MKLN1: variants seen among roughly 807,000 people sequenced by gnomAD.
The protein encoded by MKLN1 is muskelin 1.
A neutral mutation model predicts 99.0 loss-of-function variants in MKLN1; 18 were observed. The observed-to-expected ratio is 0.18, with a 90% CI of 0.13 to 0.27. MKLN1 has a LOEUF of 0.27. MKLN1 is among the 10% of genes least tolerant of loss of function. The probability of loss-of-function intolerance (pLI) is 1.00; values close to 1 mark genes in which losing one functional copy is unlikely to be tolerated. For synonymous variants in MKLN1, 288 were observed against 293.2 expected, an observed-to-expected ratio of 0.98 and a Z score of 0.18; for missense variants, 621 against 875.9, an observed-to-expected ratio of 0.71 and a Z score of 3.67.
chr7:131,305,265 TC>T (rs1798437386), intron 3 of MKLN1, among the ~76,000 whole-genome samples: 1 of 152,240 alleles, frequency 6.6e-6, no homozygotes, highest in Non-Finnish European at 1.5e-5. Flanking sequence ...CTTTTTGCCC[TC>T]AGCCAACTGG....
chr7:131,375,535 A>G, intron 2 of MKLN1, 42 bp downstream of exon 2: 2 of 1,210,602 alleles, frequency 1.7e-6, no homozygotes, highest in Non-Finnish European at 2.4e-6. Context: ...AGAAGTCACC[A>G]TTTAAATAAA....
At chr7:131,188,839 G>T (rs1304080794) in intron 2 of MKLN1, among the ~76,000 whole-genome samples, 2 of 152,158 alleles carry the variant, frequency 1.3e-5, no homozygotes, top group Admixed American at 6.5e-5. Context: ...CATCTCTGTG[G>T]TCTAAAGCGG....
chr7:131,148,448 G>GCTTTCTC (rs1267256956), intron 2 of MKLN1, among the ~76,000 whole-genome samples: 1 of 152,140 alleles, frequency 6.6e-6, no homozygotes, highest in African/African-American at 2.4e-5. Context: ...AAATTGCCCA[G>GCTTTCTC]CTTTCTCTCC....
intron 2 of MKLN1, among the ~76,000 whole-genome samples, chr7:131,173,533 A>G (rs1375034074): frequency 6.6e-6 from 1 of 152,240 alleles, no homozygotes; most frequent in East Asian, 1.9e-4. Flanking sequence ...AGCTTGGCCA[A>G]CTTAGTGAAA....
chr7:131,471,877 T>C (rs1796829504), intron 16 of MKLN1: 1 of 152,238 alleles, frequency 6.6e-6, no homozygotes, highest in African/African-American at 2.4e-5. Context: ...TTTCAAGCAA[T>C]AGAGGCTGCA....
chr7:131,412,460 A>G (rs1167160080), intron 7 of MKLN1, among the ~76,000 whole-genome samples: 1 of 152,248 alleles, frequency 6.6e-6, no homozygotes, highest in Non-Finnish European at 1.5e-5. Context: ...TAATAATTGT[A>G]ATAAAAATAA....
chr7:131,296,534 C>G (rs1284293127), intron 3 of MKLN1, among the ~76,000 whole-genome samples: 1 of 152,034 alleles, frequency 6.6e-6, no homozygotes. Flanking sequence ...TACAGTTGCC[C>G]CTTGAAGAAC....
chr7:131,412,029 G>A (rs1794897095), intron 7 of MKLN1, among the ~76,000 whole-genome samples: 1 of 151,424 alleles, frequency 6.6e-6, no homozygotes, highest in Non-Finnish European at 1.5e-5. Context: ...CAAGGCTGCA[G>A]TCAGCCGTGT....
chr7:131,229,228 A>C (rs540628965), intron 3 of MKLN1, among the ~76,000 whole-genome samples: 1 of 151,776 alleles, frequency 6.6e-6, no homozygotes, highest in Non-Finnish European at 1.5e-5. Context: ...TTTGTTACAT[A>C]GGTATACACG....
chr7:131,186,192 A>AAAAC (rs59214771), intron 2 of MKLN1, among the ~76,000 whole-genome samples: 22,720 of 151,566 alleles, frequency 0.15, 2,140 homozygotes, highest in African/African-American at 0.27. Flanking sequence ...CTCCGTCTCA[A>AAAAC]AAACAAACAA....
chr7:131,387,946 A>G (rs1028388545), intron 3 of MKLN1, among the ~76,000 whole-genome samples: 1 of 152,186 alleles, frequency 6.6e-6, no homozygotes, highest in African/African-American at 2.4e-5. Context: ...AGGCAGGTGG[A>G]TCACGAGGTC....
At chr7:131,206,705 G>A (rs893150618) in intron 3 of MKLN1, among the ~76,000 whole-genome samples, 2 of 151,832 alleles carry the variant, frequency 1.3e-5, no homozygotes, top group African/African-American at 4.8e-5. Flanking sequence ...ACAGGCGTGC[G>A]CCACCGTGGC....
intron 3 of MKLN1, among the ~76,000 whole-genome samples, chr7:131,255,570 A>G (rs1207537066): frequency 6.6e-6 from 1 of 151,524 alleles, no homozygotes; most frequent in Non-Finnish European, 1.5e-5. Flanking sequence ...TCTATCTATC[A>G]TCTATCTATC....
chr7:131,234,861 A>AAAGC (rs1340792899), intron 3 of MKLN1, among the ~76,000 whole-genome samples: 4 of 152,136 alleles, frequency 2.6e-5, no homozygotes, highest in Non-Finnish European at 5.9e-5. Context: ...GCTTGTCTTT[A>AAAGC]TCTGTCTAAA....
chr7:131,320,741 AC>A (rs1798759837), intron 3 of MKLN1, among the ~76,000 whole-genome samples: 1 of 152,302 alleles, frequency 6.6e-6, no homozygotes, highest in Admixed American at 6.5e-5. Context: ...AAGAAAAAAA[AC>A]AAACAACCCC....
At chr7:131,251,519 G>A (rs1001580136) in intron 3 of MKLN1, among the ~76,000 whole-genome samples, 2 of 152,126 alleles carry the variant, frequency 1.3e-5, no homozygotes, top group Non-Finnish European at 2.9e-5. Context: ...CATCTCCAAG[G>A]TATTCAAATG....
At chr7:131,137,925 CTTT>C (rs58860730) in intron 1 of MKLN1, among the ~76,000 whole-genome samples, 18,857 of 118,748 alleles carry the variant, frequency 0.16, 1,503 homozygotes, top group East Asian at 0.32. Flanking sequence ...TCTTTCTTTA[CTTT>C]TTTTTTTTTT....
chr7:131,471,012 T>C, intron 16 of MKLN1, 68 bp downstream of exon 16: 3 of 1,104,442 alleles, frequency 2.7e-6, no homozygotes, highest in Non-Finnish European at 4.0e-6. Flanking sequence ...TTATATTTAA[T>C]GATTTTGCTC....
At position 131,437,963 on chromosome 7, in the gene MKLN1, C is replaced by G. The variant is rs918202520; in HGVS notation, c.1139C>G (p.Ala380Gly). ...ATGTTACTAAGTGAGGATACTGCTG[C>G]TGATGGAGGGCCGAAATTGGTGTTT... ...TWMLLSEDTA[A>G]DGGPKLVFDH... Residue 380 changes from alanine (A) to glycine (G), a missense_variant, in exon 10 of 18, where the codon GCT becomes GGT. Ala to Gly is a moderately conservative substitution (Grantham distance 60). This residue lies in a region of MKLN1 where 361 missense variants were observed against 540.8 expected (regional missense o/e 0.67). Coordinates refer to ENST00000352689, the MANE Select transcript of MKLN1 (RefSeq NM_013255.5). 2.5e-6 allele frequency: 4 copies of G among 1,613,716 alleles called. No individual in the cohort carries two copies. In the Admixed American group the frequency reaches 5.0e-5, roughly 20 times the overall value.
Sources: allele counts gnomAD v4.1 joint callset (sites outside exome capture counted in the v4.1 genomes callset), GRCh38; gene constraint gnomAD v4.1.1; regional missense constraint gnomAD v4.1.1; transcripts MANE v1.5; gene names NCBI Gene and HGNC (gene_info 2026-07-23, HGNC 2026-07-21).